The following PCDHAC2 variants were observed in gnomAD, a reference collection of about 807,000 sequenced individuals.
The protein encoded by PCDHAC2 is protocadherin alpha subfamily C, 2, also known as protocadherin alpha-C2.
In PCDHAC2, 24 loss-of-function variants were observed where a neutral mutation model predicts 63.3. The ratio of observed to expected loss-of-function variants is 0.38; its 90% CI spans 0.27 to 0.53. The LOEUF (loss-of-function observed/expected upper bound fraction) is 0.53, where lower values mean the gene tolerates loss of function less well. Among genes scored for constraint, PCDHAC2 ranks in the 20% least tolerant of loss-of-function variants. The probability of loss-of-function intolerance (pLI) is 0.81; values close to 1 mark genes in which losing one functional copy is unlikely to be tolerated. For missense variants in PCDHAC2, 1,181 were observed against 1,275.2 expected (o/e 0.93, Z 1.12); for synonymous variants, 569 against 529.4 (o/e 1.07, Z -1.03).
At position 141,009,698 on chromosome 5, in the gene PCDHAC2, G is replaced by A. The variant is rs900919931; in HGVS notation, c.2785G>A (p.Gly929Arg). The part of the protein sequence containing the change: ...VNSNSWTFKY[G>R]PGNPKQSGPG... Reference sequence around the variant, plus strand: ...CAGCAACAGCTGGACCTTTAAATACGGACCAGGCAACCCCAAACAATCCGG... The same window carrying A: ...CAGCAACAGCTGGACCTTTAAATACAGACCAGGCAACCCCAAACAATCCGG... The change falls in exon 4 of 4, where the codon GGA (glycine) becomes AGA (arginine). Residue 929 changes from glycine (G) to arginine (R), a missense_variant. Physicochemically the swap from Gly to Arg is moderately radical, Grantham distance 125. Transcript: ENST00000289269. The A allele has an allele frequency of 1.9e-6, 3 of 1,614,030 alleles. No homozygotes were observed. The highest frequency in any genetic ancestry group is 1.1e-5 in the South Asian group (1 of 91,066).
Position 140,968,974 on chromosome 5 carries a change from G to A in PCDHAC2, c.2208G>A (p.Ala736=), listed in dbSNP as rs17119326. 3.9e-3 allele frequency: 6,227 copies of A among 1,614,174 alleles called. 151 individuals carry two copies. The African/African-American group carries it at 0.06, about 16-fold the overall frequency. The change falls in exon 1 of 4, where the codon GCG becomes GCA. Residue 736 remains alanine (A), a synonymous_variant. Coordinates refer to ENST00000289269, the MANE Select transcript of PCDHAC2 (RefSeq NM_018899.6). The part of the protein sequence containing the change: ...LSIIKCYRYT[A]YGTACCGGFC... Reference sequence around the variant, plus strand: ...TCATCAAGTGCTACCGCTACACTGCGTATGGCACTGCATGCTGTGGAGGCT... The same window carrying A: ...TCATCAAGTGCTACCGCTACACTGCATATGGCACTGCATGCTGTGGAGGCT...
chr5:140,968,734 C>A lies in PCDHAC2; in HGVS notation c.1968C>A (p.Phe656Leu). 6.2e-7 allele frequency: 1 copy of A among 1,614,162 alleles called. No homozygotes were observed. The highest frequency in any genetic ancestry group is 8.5e-7 in the Non-Finnish European group (1 of 1,180,046). The change falls in exon 1 of 4, where the codon TTC (phenylalanine) becomes TTA (leucine). Residue 656 changes from phenylalanine (F) to leucine (L), a missense_variant. Around this residue, in one of 3 missense-constraint regions of PCDHAC2, gnomAD observed 968 missense variants for 1,073.5 expected, o/e 0.90. Coordinates refer to ENST00000289269, the MANE Select transcript of PCDHAC2 (RefSeq NM_018899.6). ...TGGGAGATGAGAGTGGTAGCACTTTCAACCTGACCGTGGTGGTCCGAGATA... is the reference window on the plus strand; with the variant it reads ...TGGGAGATGAGAGTGGTAGCACTTTAAACCTGACCGTGGTGGTCCGAGATA... ...RKMGDESGST[F>L]NLTVVVRDNG...
intron 1 of PCDHAC2, among the ~76,000 whole-genome samples, chr5:140,976,116 A>G (rs781948908): frequency 1.2e-4 from 18 of 152,224 alleles, no homozygotes; most frequent in Non-Finnish European, 2.6e-4. Flanking sequence ...AATTTTTCCA[A>G]GTTTAATCAA....
rs1554262648 is a variant in PCDHAC2, at chr5:141,010,047, A to G, written c.*110A>G. On this transcript the variant is annotated 3_prime_UTR_variant, in exon 4 of 4. Coordinates refer to ENST00000289269, the MANE Select transcript of PCDHAC2 (RefSeq NM_018899.6). The stretch of plus-strand genomic sequence containing the variant: ...CCTATCTACATGAGCCCTCTTAGAG[A>G]CCTCAGAAATCTGCAGAAAGTTCCC... 1.9e-6 allele frequency: 3 copies of G among 1,595,144 alleles called. No homozygotes were observed. The highest frequency in any genetic ancestry group is 1.7e-6 in the Non-Finnish European group (2 of 1,171,458).
chr5:141,001,842 A>G (rs574186951), intron 3 of PCDHAC2, among the ~76,000 whole-genome samples: 108 of 152,288 alleles, frequency 7.1e-4, no homozygotes, highest in Non-Finnish European at 1.3e-3. Context: ...GGAGACAGAG[A>G]GAGAGGTTGA....
At chr5:140,989,007 A>C (rs1356295875) in intron 3 of PCDHAC2, 1 of 152,216 alleles carries the variant, frequency 6.6e-6, no homozygotes, top group Non-Finnish European at 1.5e-5. Flanking sequence ...ATAGAGACTT[A>C]TTATAGTTTC....
At position 140,968,302 on chromosome 5, in the gene PCDHAC2, G is replaced by C. The variant is rs2096236958; in HGVS notation, c.1536G>C (p.Glu512Asp). ...TGACCTACTCCCTTCTGGAGAGGGA[G>C]ATTCAAGGGCTGCCAGTCACCTCCT... Reference protein sequence around the residue: ...AEVTYSLLEREIQGLPVTSYV... With the variant: ...AEVTYSLLERDIQGLPVTSYV... The change falls in exon 1 of 4, where the codon GAG (glutamate) becomes GAC (aspartate). Residue 512 changes from glutamate to aspartate, a missense_variant. Coordinates refer to ENST00000289269, the MANE Select transcript of PCDHAC2 (RefSeq NM_018899.6). 6.2e-7 allele frequency: 1 copy of C among 1,613,812 alleles called. No homozygotes were observed. The highest frequency in any genetic ancestry group is 1.3e-5 in the African/African-American group (1 of 74,904).
At position 141,012,035 on chromosome 5, in the gene PCDHAC2, G is replaced by A. The variant is rs908623831; in HGVS notation, c.*2098G>A. The A allele has an allele frequency of 1.3e-5, 2 of 153,684 alleles. No individual in the cohort carries two copies. The highest frequency in any genetic ancestry group is 2.9e-5 in the Non-Finnish European group (2 of 68,026). The allele number at this position is 153,684 out of a possible 1,614,324, so 9.5% of individuals were successfully genotyped here. A position where few individuals can be genotyped will look rare whatever the true frequency, so the allele number is the denominator to read the frequency against. On this transcript the variant is annotated 3_prime_UTR_variant, in exon 4 of 4. Coordinates refer to ENST00000289269, the MANE Select transcript of PCDHAC2 (RefSeq NM_018899.6). The stretch of plus-strand genomic sequence containing the variant: ...TGTGTAACTTCAGCTCTGCAGGATT[G>A]CATGGGGTAAAACTTGTTACCAACA...
chr5:140,997,668 T>TTGTGTGTGTGTGTGTG (rs35184029), intron 3 of PCDHAC2, among the ~76,000 whole-genome samples: 13 of 148,244 alleles, frequency 8.8e-5, no homozygotes, highest in African/African-American at 2.2e-4. Flanking sequence ...ATTATACAGC[T>TTGTGTGTGTGTGTGTG]TGTGTGTGTG....
intron 3 of PCDHAC2, among the ~76,000 whole-genome samples, chr5:141,007,259 G>A (rs2098311634): frequency 6.6e-6 from 1 of 151,998 alleles, no homozygotes; most frequent in Non-Finnish European, 1.5e-5. Flanking sequence ...GTTAAAAGAA[G>A]CAGATACAGG....
At chr5:140,993,830 A>G (rs536970854) in intron 3 of PCDHAC2, among the ~76,000 whole-genome samples, 44 of 152,326 alleles carry the variant, frequency 2.9e-4, no homozygotes, top group Non-Finnish European at 5.0e-4. Context: ...GCTATACCAT[A>G]TAGCCTAGGT....
chr5:140,967,215 G>T lies in PCDHAC2; in HGVS notation c.449G>T (p.Arg150Leu), dbSNP rs782646028. ...DINDNSPRFPRPNYQLQVSES... is the reference protein window; with the variant it reads ...DINDNSPRFPLPNYQLQVSES... ...AACGACAACTCACCGCGTTTCCCGC[G>T]GCCCAACTACCAGCTTCAGGTAAGC... The change falls in exon 1 of 4, where the codon CGG (arginine) becomes CTG (leucine). Residue 150 changes from arginine to leucine, a missense_variant. Transcript: ENST00000289269. 1 of 1,613,682 alleles carries T rather than the reference G, an allele frequency of 6.2e-7. No homozygotes were observed. Among genetic ancestry groups the T allele is most frequent in the Non-Finnish European group, 8.5e-7 (1 of 1,179,886 alleles).
At chr5:141,007,507 G>A (rs2098333216) in intron 3 of PCDHAC2, among the ~76,000 whole-genome samples, 1 of 151,980 alleles carries the variant, frequency 6.6e-6, no homozygotes, top group Admixed American at 6.6e-5. Flanking sequence ...GGCAGAGACT[G>A]CAGTGAGCTG....
In PCDHAC2 at chr5:140,967,112, C is replaced by T. The variant is rs1338076103; in HGVS notation, c.346C>T (p.Arg116Cys). ...DREALCEQRP[R>C]CLLSLEVLAH... Reference sequence around the variant, plus strand: ...GGAGGCGCTGTGTGAGCAGCGGCCTCGCTGCCTGCTCAGCTTGGAAGTGCT... The same window carrying T: ...GGAGGCGCTGTGTGAGCAGCGGCCTTGCTGCCTGCTCAGCTTGGAAGTGCT... The change falls in exon 1 of 4, where the codon CGC becomes TGC. Residue 116 changes from arginine (R) to cysteine (C), a missense_variant. Arg to Cys is a radical substitution (Grantham distance 180). Around this residue, in one of 3 missense-constraint regions of PCDHAC2, gnomAD observed 210 missense variants for 184.9 expected, o/e 1.14. Transcript: ENST00000289269. The T allele has an allele frequency of 2.5e-6, 4 of 1,612,876 alleles. No individual in the cohort carries two copies. Among genetic ancestry groups the T allele is most frequent in the East Asian group, 2.2e-5 (1 of 44,866 alleles).
chr5:140,980,981 A>G (rs1255751936), intron 2 of PCDHAC2, among the ~76,000 whole-genome samples: 1 of 152,188 alleles, frequency 6.6e-6, no homozygotes, highest in Non-Finnish European at 1.5e-5. Context: ...GACTGAGCCC[A>G]CACAATTTGC....
intron 3 of PCDHAC2, among the ~76,000 whole-genome samples, chr5:141,003,650 A>G (rs2098132767): frequency 6.6e-6 from 1 of 152,170 alleles, no homozygotes; most frequent in Admixed American, 6.5e-5. Flanking sequence ...GAAGATCTGT[A>G]TGCATTTATT....
intron 3 of PCDHAC2, among the ~76,000 whole-genome samples, chr5:141,007,961 C>G (rs1554261577): frequency 6.6e-6 from 1 of 152,176 alleles, no homozygotes; most frequent in East Asian, 1.9e-4. Flanking sequence ...TGCTCATTCT[C>G]TGGGTGTCTG....
rs2096138629 is a variant in PCDHAC2, at chr5:140,967,421, C to T, written c.655C>T (p.Gln219Ter). ...GCTGCGTAAGGGCCTAGACCGGGAG[C>T]AGGCAGCCTTGCACCACCTGGTTCT... ...LVLRKGLDRE[Q>*]AALHHLVLTA... is the part of the protein sequence containing the mutation. Residue 219 changes from glutamine to a stop codon, truncating the protein, a stop_gained, in exon 1 of 4, where the codon CAG becomes TAG. Coordinates refer to ENST00000289269, the MANE Select transcript of PCDHAC2 (RefSeq NM_018899.6). LOFTEE classifies it high-confidence loss of function. The T allele has an allele frequency of 6.2e-7, 1 of 1,613,120 alleles. No individual in the cohort carries two copies. The highest frequency in any genetic ancestry group is 8.5e-7 in the Non-Finnish European group (1 of 1,179,688).
rs1554230749 is a variant in PCDHAC2, at chr5:140,968,460, C to T, written c.1694C>T (p.Ala565Val). ...CCACCACTGAGCAGCACTGTGACTG[C>T]CAACGTATATGTGGTGGACATGAAT... ...GSPPLSSTVT[A>V]NVYVVDMNDH... Residue 565 changes from alanine to valine, a missense_variant, in exon 1 of 4, where the codon GCC becomes GTC. Physicochemically the swap from Ala to Val is moderately conservative, Grantham distance 64. Around this residue, in one of 3 missense-constraint regions of PCDHAC2, gnomAD observed 968 missense variants for 1,073.5 expected, o/e 0.90. Transcript: ENST00000289269. 1.9e-6 allele frequency: 3 copies of T among 1,613,978 alleles called. No homozygotes were observed. Among genetic ancestry groups the T allele is most frequent in the Non-Finnish European group, 2.5e-6 (3 of 1,180,036 alleles).
Sources: gnomAD v4.1 joint callset for allele counts (sites outside exome capture counted in the v4.1 genomes callset) on GRCh38, gnomAD v4.1.1 for gene constraint, gnomAD v4.1.1 regional missense constraint, MANE v1.5 for transcripts, NCBI Gene and HGNC (gene_info 2026-07-23, HGNC 2026-07-21) for gene names.